The following SLC35F1 variants were observed in gnomAD, a reference collection of about 807,000 sequenced individuals.
SLC35F1 encodes chromosome 6 open reading frame 169.
Under a neutral mutation model 48.7 loss-of-function variants are expected in SLC35F1, and 14 were observed. That is an observed-to-expected ratio of 0.29 (90% CI 0.19 to 0.45). SLC35F1 has a LOEUF of 0.45. Among genes scored for constraint, SLC35F1 ranks in the 20% least tolerant of loss-of-function variants. The pLI, the probability that SLC35F1 is intolerant of heterozygous loss-of-function variation, is 1.00. For missense variants in SLC35F1, 404 were observed against 500.0 expected, an observed-to-expected ratio of 0.81 and a Z score of 1.83; for synonymous variants, 190 against 202.2, an observed-to-expected ratio of 0.94 and a Z score of 0.51.
intron 2 of SLC35F1, among the ~76,000 whole-genome samples, chr6:118,189,011 G>A (rs765739002): frequency 2.6e-5 from 4 of 152,000 alleles, no homozygotes; most frequent in Admixed American, 6.6e-5. Context: ...TCCTGGGCTC[G>A]AGCAATCCTC....
chr6:118,050,080 C>A (rs1316213395), intron 1 of SLC35F1, among the ~76,000 whole-genome samples: 1 of 152,010 alleles, frequency 6.6e-6, no homozygotes, highest in African/African-American at 2.4e-5. Flanking sequence ...ATAGATGAAA[C>A]TGGAAACCAT....
At chr6:118,084,385 C>T (rs1326538243) in intron 1 of SLC35F1, among the ~76,000 whole-genome samples, 2 of 152,090 alleles carry the variant, frequency 1.3e-5, no homozygotes, top group African/African-American at 4.8e-5. Context: ...TCTTATTTTG[C>T]CTGTAATTTT....
Position 118,235,510 on chromosome 6 carries a change from A to G in SLC35F1, c.351A>G (p.Gly117=). Residue 117 remains glycine (G), a splice_region_variant and synonymous_variant, in exon 3 of 8, where the codon GGA becomes GGG. Coordinates refer to ENST00000360388, the MANE Select transcript of SLC35F1 (RefSeq NM_001029858.4). ...TTTCTTCTTAACTTTGTAACACAGG[A>G]GAAGAAAACCTCCTGGCAATTTTAC... ...VYTTTLAVRQ[G]EENLLAILRR... 2 of 1,612,852 alleles carry G rather than the reference A, an allele frequency of 1.2e-6. No individual in the cohort carries two copies. Among genetic ancestry groups the G allele is most frequent in the Non-Finnish European group, 8.5e-7 (1 of 1,179,240 alleles).
At chr6:118,243,314 T>C (rs1775464456) in intron 3 of SLC35F1, among the ~76,000 whole-genome samples, 1 of 152,140 alleles carries the variant, frequency 6.6e-6, no homozygotes, top group African/African-American at 2.4e-5. Context: ...ATTACTTTAT[T>C]GATTAAGAAA....
chr6:118,002,240 G>A (rs1430617179), intron 1 of SLC35F1, among the ~76,000 whole-genome samples: 2 of 152,118 alleles, frequency 1.3e-5, no homozygotes, highest in East Asian at 1.9e-4. Flanking sequence ...AGAAAATGTG[G>A]CACATATACA....
At chr6:118,195,732 C>G (rs1009428135) in intron 2 of SLC35F1, among the ~76,000 whole-genome samples, 2 of 152,112 alleles carry the variant, frequency 1.3e-5, no homozygotes, top group Non-Finnish European at 2.9e-5. Flanking sequence ...TTGTGACTTC[C>G]AAACCCAGTT....
intron 1 of SLC35F1, among the ~76,000 whole-genome samples, chr6:118,139,939 C>T (rs184083209): frequency 1.0e-3 from 156 of 152,128 alleles, no homozygotes; most frequent in Non-Finnish European, 1.8e-3. Context: ...AAAAATTTTT[C>T]GAGTTATAGT....
At chr6:118,175,015 T>C (rs1774466235) in intron 2 of SLC35F1, among the ~76,000 whole-genome samples, 2 of 152,150 alleles carry the variant, frequency 1.3e-5, no homozygotes, top group Non-Finnish European at 2.9e-5. Flanking sequence ...ACCAGAGCTA[T>C]AGAAGTCGGA....
At chr6:118,244,779 G>A (rs954764868) in intron 3 of SLC35F1, among the ~76,000 whole-genome samples, 3 of 152,200 alleles carry the variant, frequency 2.0e-5, no homozygotes, top group Admixed American at 6.5e-5. Flanking sequence ...AATAAGCCCT[G>A]AATCAATTCC....
intron 3 of SLC35F1, among the ~76,000 whole-genome samples, chr6:118,253,936 A>T (rs1468900035): frequency 1.3e-5 from 2 of 151,920 alleles, no homozygotes; most frequent in African/African-American, 4.8e-5. Context: ...GGCATCGAGA[A>T]TAAGACCAGG....
chr6:118,310,659 T>G (rs775758718), intron 7 of SLC35F1, among the ~76,000 whole-genome samples: 1 of 152,206 alleles, frequency 6.6e-6, no homozygotes, highest in Non-Finnish European at 1.5e-5. Flanking sequence ...TAATAAAGCC[T>G]CTTGGGTGAC....
At chr6:118,190,674 G>A (rs967677339) in intron 2 of SLC35F1, among the ~76,000 whole-genome samples, 87 of 152,110 alleles carry the variant, frequency 5.7e-4, no homozygotes, top group African/African-American at 2.0e-3. Flanking sequence ...TAAGACATTT[G>A]AGAGAATACA....
intron 1 of SLC35F1, among the ~76,000 whole-genome samples, chr6:118,013,414 G>T (rs1777277893): frequency 6.6e-6 from 1 of 152,082 alleles, no homozygotes; most frequent in Non-Finnish European, 1.5e-5. Flanking sequence ...TTCCCCCAGA[G>T]GAAACATATT....
intron 1 of SLC35F1, among the ~76,000 whole-genome samples, chr6:117,979,677 G>A (rs2114849170): frequency 6.6e-6 from 1 of 152,216 alleles, no homozygotes. Flanking sequence ...TTATAATTAT[G>A]TCTTTCTTTT....
intron 6 of SLC35F1, among the ~76,000 whole-genome samples, chr6:118,280,756 T>G (rs1030598091): frequency 2.6e-5 from 4 of 151,658 alleles, no homozygotes; most frequent in African/African-American, 9.7e-5. Context: ...TGCATGCCTG[T>G]AGTCCCAGCT....
intron 7 of SLC35F1, among the ~76,000 whole-genome samples, chr6:118,303,303 G>C (rs529213359): frequency 6.6e-6 from 1 of 152,316 alleles, no homozygotes; most frequent in South Asian, 2.1e-4. Flanking sequence ...TTGAATTAAA[G>C]TTGAGTCCTT....
intron 1 of SLC35F1, among the ~76,000 whole-genome samples, chr6:118,085,349 T>C (rs1240556544): frequency 6.6e-6 from 1 of 152,130 alleles, no homozygotes; most frequent in Non-Finnish European, 1.5e-5. Flanking sequence ...TGGATTTTCC[T>C]GGTGCAAACT....
chr6:117,931,583 A>G (rs1776102406), intron 1 of SLC35F1, among the ~76,000 whole-genome samples: 1 of 152,170 alleles, frequency 6.6e-6, no homozygotes, highest in Non-Finnish European at 1.5e-5. Context: ...ACTACATTCA[A>G]ATCACTCACA....
chr6:117,982,197 T>C (rs953310340), intron 1 of SLC35F1, among the ~76,000 whole-genome samples: 2 of 152,254 alleles, frequency 1.3e-5, no homozygotes, highest in African/African-American at 4.8e-5. Flanking sequence ...ATTGATGTGA[T>C]CTGTAAATCA....
Sources: gnomAD v4.1 joint callset for allele counts (sites outside exome capture counted in the v4.1 genomes callset) on GRCh38, gnomAD v4.1.1 for gene constraint, MANE v1.5 for transcripts, NCBI Gene and HGNC (gene_info 2026-07-23, HGNC 2026-07-21) for gene names.